Variants in LRRC15 observed in about 807,000 individuals in gnomAD.
LRRC15 encodes the protein leucine-rich repeat-containing protein 15.
In LRRC15, 5 loss-of-function variants were observed where a neutral mutation model predicts 4.3. The observed-to-expected ratio is 1.16, with a 90% CI of 0.61 to 2.44. The LOEUF (loss-of-function observed/expected upper bound fraction) is 2.44. Ranked by LOEUF, LRRC15 falls within the 30% of genes most tolerant of loss-of-function variation. The pLI, the probability that LRRC15 is intolerant of heterozygous loss-of-function variation, is 0.01. For synonymous variants in LRRC15, 337 were observed against 323.2 expected (o/e 1.04, Z -0.46); for missense variants, 769 against 747.0 (o/e 1.03, Z -0.34).
In LRRC15 at chr3:194,360,607, G is replaced by A. The variant is rs201351150; in HGVS notation, c.437C>T (p.Ser146Phe). Residue 146 changes from serine (S) to phenylalanine (F), a missense_variant, in exon 2 of 2, where the codon TCC becomes TTC. Transcript: ENST00000347624. ...CAGCTCCTTGAGGTTGCTGCACTGG[G>A]AGAAGTGGGCCGGCTGGATCTGCAA... ...QLLQIQPAHF[S>F]QCSNLKELQL... 49 of 1,614,086 alleles carry A rather than the reference G, an allele frequency of 3.0e-5. No individual in the cohort carries two copies. Among genetic ancestry groups the A allele is most frequent in the East Asian group, 2.2e-5 (1 of 44,904 alleles).
intron 1 of LRRC15, among the ~76,000 whole-genome samples, chr3:194,367,600 C>A (rs1199430736): frequency 6.6e-6 from 1 of 152,238 alleles, no homozygotes; most frequent in Non-Finnish European, 1.5e-5. Context: ...GCCACCGCGC[C>A]CGGCCAGTGT....
rs1713504458 is a variant in LRRC15 at position 194,358,741 on chromosome 3, G to C, written c.*557C>G. On this transcript the variant is annotated 3_prime_UTR_variant, in exon 2 of 2. Transcript: ENST00000347624. ...TAAGAAACCAGTTAAATGGTTTGAA[G>C]TCTTCTTTGAGGAGAGAACTCACCC... 6.5e-6 allele frequency: 1 copy of C among 153,082 alleles called. No individual in the cohort carries two copies. The highest frequency in any genetic ancestry group is 2.4e-5 in the African/African-American group (1 of 41,440). 9.5% of individuals were successfully genotyped at this position (153,082 alleles called of 1,614,324 possible).
At chr3:194,361,394 A>G (rs1300980534) in intron 1 of LRRC15, among the ~76,000 whole-genome samples, 1 of 151,702 alleles carries the variant, frequency 6.6e-6, no homozygotes, top group Non-Finnish European at 1.5e-5. Flanking sequence ...CCCAGTCTCC[A>G]TCATTGGCCA....
In LRRC15 at chr3:194,360,692, T is replaced by C. The variant is rs1428314161; in HGVS notation, c.352A>G (p.Ile118Val). 3 of 1,614,170 alleles carry C rather than the reference T, an allele frequency of 1.9e-6. No individual in the cohort carries two copies. Among genetic ancestry groups the C allele is most frequent in the East Asian group, 4.5e-5 (2 of 44,878 alleles). Residue 118 changes from isoleucine to valine, a missense_variant, in exon 2 of 2, where the codon ATC (isoleucine) becomes GTC (valine). By Grantham distance (29) the Ile-to-Val change is conservative. Coordinates refer to ENST00000347624, the MANE Select transcript of LRRC15 (RefSeq NM_130830.5). The stretch of plus-strand genomic sequence containing the variant: ...CTGTCCAGGCCCTGGAAGAGGCCGA[T>C]GGGCAGAACCTGCAGCTTGTTGTTG... ...LANNKLQVLP[I>V]GLFQGLDSLE...
Position 194,355,277 on chromosome 3 carries a change from G to A in LRRC15, c.*4021C>T, listed in dbSNP as rs6578. 14,227 of 152,100 alleles carry A rather than the reference G, an allele frequency of 0.094. 766 individuals are homozygous for A. The highest frequency in any genetic ancestry group is 0.1 in the Non-Finnish European group (7,055 of 68,028). The allele number at this position is 152,100 out of a possible 1,614,324, so 9.4% of individuals were successfully genotyped here. On this transcript the variant is annotated 3_prime_UTR_variant, in exon 2 of 2. Coordinates refer to ENST00000347624, the MANE Select transcript of LRRC15 (RefSeq NM_130830.5). ...ATGTATATTATTTATTGTTGATTCT[G>A]TACACCAAATGGATTACAAGCAGCA...
intron 1 of LRRC15, among the ~76,000 whole-genome samples, chr3:194,365,669 C>T (rs954421338): frequency 6.6e-6 from 1 of 152,126 alleles, no homozygotes; most frequent in African/African-American, 2.4e-5. Flanking sequence ...GCCCCTCATT[C>T]TCCTCATCTT....
In LRRC15 at chr3:194,358,509, G is replaced by A. The variant is rs1374545842; in HGVS notation, c.*789C>T. On this transcript the variant is annotated 3_prime_UTR_variant, in exon 2 of 2. Transcript: ENST00000347624. The stretch of plus-strand genomic sequence containing the variant: ...ATTCTACATGATTTCATTCCTTAAA[G>A]GGCTAAACTTTTCAAAGCAAAGTTT... 1.3e-5 allele frequency: 2 copies of A among 152,248 alleles called. No homozygotes were observed. Among genetic ancestry groups the A allele is most frequent in the African/African-American group, 4.8e-5 (2 of 41,418 alleles). 9.4% of individuals were successfully genotyped at this position (152,248 alleles called of 1,614,324 possible). A position where few individuals can be genotyped will look rare whatever the true frequency, so the allele number is the denominator to read the frequency against.
rs1319714167 is a variant in LRRC15, at chr3:194,357,293, T to A, written c.*2005A>T. 1.3e-5 allele frequency: 2 copies of A among 150,746 alleles called. No homozygotes were observed. The highest frequency in any genetic ancestry group is 1.3e-4 in the Admixed American group (2 of 15,148). 9.3% of individuals were successfully genotyped at this position (150,746 alleles called of 1,614,324 possible). Reference sequence around the variant, plus strand: ...GTGGTAGATTTCCAGATCACAGGTGTCTTGTGGAGCGGGGAGCTAATAAGA... The same window carrying A: ...GTGGTAGATTTCCAGATCACAGGTGACTTGTGGAGCGGGGAGCTAATAAGA... On this transcript the variant is annotated 3_prime_UTR_variant, in exon 2 of 2. Coordinates refer to ENST00000347624, the MANE Select transcript of LRRC15 (RefSeq NM_130830.5).
Position 194,359,429 on chromosome 3 carries a change from G to A in LRRC15, c.1615C>T (p.Leu539=), listed in dbSNP as rs1713530854. 1.2e-6 allele frequency: 2 copies of A among 1,614,264 alleles called. No homozygotes were observed. Among genetic ancestry groups the A allele is most frequent in the East Asian group, 4.5e-5 (2 of 44,880 alleles). Reference sequence around the variant, plus strand: ...CCAATTACAATGGCGGCAATGGCCAGCCCGCTCTGGGCCTGGGTCATGCCC... The same window carrying A: ...CCAATTACAATGGCGGCAATGGCCAACCCGCTCTGGGCCTGGGTCATGCCC... The part of the protein sequence containing the change: ...VWGMTQAQSG[L]AIAAIVIGIV... Residue 539 remains leucine, a synonymous_variant, in exon 2 of 2, where the codon CTG becomes TTG. Transcript: ENST00000347624.
chr3:194,359,967 G>A lies in LRRC15; in HGVS notation c.1077C>T (p.Asn359=), dbSNP rs9682541. 344,668 of 1,613,924 alleles carry A rather than the reference G, an allele frequency of 0.21. 39,693 individuals are homozygous for A. The highest frequency in any genetic ancestry group is 0.24 in the Non-Finnish European group (283,006 of 1,179,862). ...HTNALQDLDG[N]VFRMLANLQN... is the part of the protein sequence containing the mutation. Reference sequence around the variant, plus strand: ...GCAGGTTGGCCAACATGCGGAAGACGTTCCCGTCCAGGTCCTGCAGTGCGT... The same window carrying A: ...GCAGGTTGGCCAACATGCGGAAGACATTCCCGTCCAGGTCCTGCAGTGCGT... Residue 359 remains asparagine (N), a synonymous_variant, in exon 2 of 2, where the codon AAC becomes AAT. Coordinates refer to ENST00000347624, the MANE Select transcript of LRRC15 (RefSeq NM_130830.5).
In LRRC15 at chr3:194,360,482, T is replaced by A; in HGVS notation, c.562A>T (p.Ile188Phe). The A allele has an allele frequency of 3.7e-6, 6 of 1,613,996 alleles. No homozygotes were observed. The highest frequency in any genetic ancestry group is 5.1e-6 in the Non-Finnish European group (6 of 1,179,988). The change falls in exon 2 of 2, where the codon ATC becomes TTC. Residue 188 changes from isoleucine (I) to phenylalanine (F), a missense_variant. Transcript: ENST00000347624. ...AGGTGCTGGAAGACCCTGGGTGAGA[T>A]GTGGGTGAGGCTATTCTTGCCCAGA... ...LNLGKNSLTH[I>F]SPRVFQHLGN...
chr3:194,360,831 G>A lies in LRRC15; in HGVS notation c.213C>T (p.Ser71=). The A allele has an allele frequency of 6.2e-7, 1 of 1,613,980 alleles. No individual in the cohort carries two copies. The highest frequency in any genetic ancestry group is 8.5e-7 in the Non-Finnish European group (1 of 1,179,956). The part of the protein sequence containing the change: ...LNTHITELNE[S]PFLNISALIA... ...TGAGGGCTGAGATATTGAGGAACGG[G>A]GACTCATTGAGTTCAGTGATGTGCG... The change falls in exon 2 of 2, where the codon TCC becomes TCT. Residue 71 remains serine (S), a synonymous_variant. Transcript: ENST00000347624.
intron 1 of LRRC15, among the ~76,000 whole-genome samples, chr3:194,365,952 T>C (rs1248988866): frequency 6.6e-6 from 1 of 152,196 alleles, no homozygotes; most frequent in Non-Finnish European, 1.5e-5. Flanking sequence ...GGGCTGTCTC[T>C]CCCTGGCTTC....
At position 194,359,601 on chromosome 3, in the gene LRRC15, C is replaced by A. The variant is rs1194591000; in HGVS notation, c.1443G>T (p.Val481=). The A allele has an allele frequency of 3.1e-6, 5 of 1,613,732 alleles. No homozygotes were observed. The South Asian group carries it at 5.5e-5, about 18-fold the overall frequency. The stretch of plus-strand genomic sequence containing the variant: ...ACCATGGTGTTTCTGGGTAACTAGG[C>A]ACCTCGGGGACATGGACGCTTGGAA... ...VAVPSVHVPE[V]PSYPETPWYP... The change falls in exon 2 of 2, where the codon GTG becomes GTT. Residue 481 remains valine (V), a synonymous_variant. Transcript: ENST00000347624.
chr3:194,361,406 G>A (rs890484330), intron 1 of LRRC15, among the ~76,000 whole-genome samples: 3 of 145,964 alleles, frequency 2.1e-5, no homozygotes, highest in African/African-American at 5.3e-5. Context: ...CATTGGCCAC[G>A]GTGGCCTTGG....
Position 194,359,600 on chromosome 3 carries a change from G to T in LRRC15, c.1444C>A (p.Pro482Thr), listed in dbSNP as rs1468304838. The T allele has an allele frequency of 2.5e-6, 4 of 1,613,738 alleles. No individual in the cohort carries two copies. The highest frequency in any genetic ancestry group is 1.7e-5 in the Admixed American group (1 of 59,930). Residue 482 changes from proline to threonine, a missense_variant, in exon 2 of 2, where the codon CCT (proline) becomes ACT (threonine). Physicochemically the swap from Pro to Thr is conservative, Grantham distance 38. Transcript: ENST00000347624. ...AVPSVHVPEV[P>T]SYPETPWYPD... ...TACCATGGTGTTTCTGGGTAACTAG[G>T]CACCTCGGGGACATGGACGCTTGGA... is the stretch of plus-strand genomic sequence containing the variant.
At chr3:194,366,733 C>T (rs777557451) in intron 1 of LRRC15, among the ~76,000 whole-genome samples, 5 of 152,174 alleles carry the variant, frequency 3.3e-5, no homozygotes, top group Non-Finnish European at 5.9e-5. Context: ...CTTCCAGAAA[C>T]GGTACTTAGA....
rs73209006 is a variant in LRRC15, at chr3:194,356,919, C to T, written c.*2379G>A. On this transcript the variant is annotated 3_prime_UTR_variant, in exon 2 of 2. Coordinates refer to ENST00000347624, the MANE Select transcript of LRRC15 (RefSeq NM_130830.5). ...GGGATGCCCCTGTTGGCACCAGGCA[C>T]AGCAGGCCACCATCAGCGGGTGATG... The T allele has an allele frequency of 5.0e-3, 769 of 152,464 alleles. 5 individuals carry two copies. The highest frequency in any genetic ancestry group is 7.4e-3 in the Non-Finnish European group (503 of 68,106). The allele number at this position is 152,464 out of a possible 1,614,324, so 9.4% of individuals were successfully genotyped here.
rs1046894683 is a variant in LRRC15, at chr3:194,362,941, T to G, written c.-3-1895A>C. On this transcript the variant is annotated intron_variant, in intron 1 of 1. Transcript: ENST00000347624. The stretch of plus-strand genomic sequence containing the variant: ...CCAACCACACAGACCTTGATTTTGT[T>G]TTTTTTTTTTTTTTTTTTGAGATGG... Among the ~76,000 whole-genome samples the G allele has an allele frequency of 3.8e-4, 35 of 92,844 alleles. No homozygotes were observed. The East Asian group carries it at 4.6e-3, about 12-fold the overall frequency. 60.9% of individuals were successfully genotyped at this position (92,844 alleles called of 152,430 possible).
Sources: allele counts gnomAD v4.1 joint callset (sites outside exome capture counted in the v4.1 genomes callset), GRCh38; gene constraint gnomAD v4.1.1; transcripts MANE v1.5; gene names NCBI Gene and HGNC (gene_info 2026-07-23, HGNC 2026-07-21).